Variants in ATXN2 observed in about 807,000 individuals in gnomAD.
ATXN2 encodes the protein ataxin 2.
In ATXN2, 37 loss-of-function variants were observed where a neutral mutation model predicts 138.6. The observed-to-expected ratio is 0.27, with a 90% confidence interval of 0.21 to 0.35. ATXN2 has a LOEUF of 0.35. Ranked by LOEUF, ATXN2 falls within the 10% of genes least tolerant of loss-of-function variation. The probability of loss-of-function intolerance (pLI) is 1.00; values close to 1 mark genes in which losing one functional copy is unlikely to be tolerated. For synonymous variants in ATXN2, 549 were observed against 543.7 expected (o/e 1.01, Z -0.13); for missense variants, 1,216 against 1,480.3 (o/e 0.82, Z 2.93).
intron 5 of ATXN2, among the ~76,000 whole-genome samples, chr12:111,537,715 G>A (rs1881271699): frequency 6.6e-6 from 1 of 152,116 alleles, no homozygotes; most frequent in African/African-American, 2.4e-5. Flanking sequence ...CAAACAGAGA[G>A]GAACTGCTAA....
chr12:111,599,097 A>G lies in ATXN2; in HGVS notation c.-63T>C. ...GGACAGCCGGGAGCCGGGCGCGCCA[A>G]GGAGACGCCGGAACGCGGCGGGGAC... On this transcript the variant is annotated 5_prime_UTR_variant, in exon 1 of 25. Transcript: ENST00000673436. The G allele has an allele frequency of 7.6e-7, 1 of 1,317,330 alleles. No individual in the cohort carries two copies. The highest frequency in any genetic ancestry group is 9.7e-7 in the Non-Finnish European group (1 of 1,033,228). 81.6% of individuals were successfully genotyped at this position (1,317,330 alleles called of 1,614,324 possible). A position where few individuals can be genotyped will look rare whatever the true frequency, so the allele number is the denominator to read the frequency against.
At chr12:111,486,049 C>T (rs1159302731) in intron 16 of ATXN2, among the ~76,000 whole-genome samples, 184 bp from the exon 17 acceptor site, 1 of 152,134 alleles carries the variant, frequency 6.6e-6, no homozygotes, top group African/African-American at 2.4e-5. Context: ...TCAGTAGGAA[C>T]TTAAAACTTT....
chr12:111,554,686 T>C (rs548599725), intron 2 of ATXN2, among the ~76,000 whole-genome samples: 7 of 151,974 alleles, frequency 4.6e-5, no homozygotes, highest in Admixed American at 2.0e-4. Context: ...AAATCAATGG[T>C]TGGAGAGAGA....
rs1885100831 is a variant in ATXN2, at chr12:111,598,976, TGTTGCTGCTGCTGCTGCTGCTGC to T, written c.36_58del (p.Gln13AlafsTer69). ...CTGCTGCTGCTGCTGCTGCTGCTGCTGTTGCTGCTGCTGCTGCTGCTGCTGCTGCTGCTGCTGCTGCTGGGGCT... is the reference window on the plus strand; with the variant it reads ...CTGCTGCTGCTGCTGCTGCTGCTGCTTGCTGCTGCTGCTGCTGCTGGGGCT... On this transcript the variant is annotated frameshift_variant, in exon 1 of 25. Transcript: ENST00000673436. LOFTEE classifies it high-confidence loss of function. This position sits in a 1 kb window ranked among gnomAD's most constrained non-coding sequence, Gnocchi z 4.5. The T allele has an allele frequency of 1.6e-4, 235 of 1,433,368 alleles. No individual in the cohort carries two copies. In the East Asian group the frequency reaches 4.2e-3, roughly 25 times the overall value. 88.8% of individuals were successfully genotyped at this position (1,433,368 alleles called of 1,614,324 possible).
rs1442249588 is a variant in ATXN2, at chr12:111,513,424, T to C, written c.1491A>G (p.Glu497=). The change falls in exon 11 of 25, where the codon GAA becomes GAG. Residue 497 remains glutamate, a synonymous_variant. Transcript: ENST00000673436. ...LEFVSHNPPS[E]AATPPVARTS... is the part of the protein sequence containing the mutation. ...TCCTTGCTACTGGAGGAGTAGCTGC[T>C]TCACTGGGTGGGTTGTGGGATACAA... The C allele has an allele frequency of 6.2e-7, 1 of 1,614,112 alleles. No individual in the cohort carries two copies. Among genetic ancestry groups the C allele is most frequent in the South Asian group, 1.1e-5 (1 of 91,064 alleles).
At chr12:111,509,723 AAAAT>A in intron 13 of ATXN2, 104 bp from the exon 14 acceptor site, 1 of 932,436 alleles carries the variant, frequency 1.1e-6, no homozygotes. Context: ...ATAAGATCAG[AAAAT>A]AATTTCAAAT....
intron 18 of ATXN2, among the ~76,000 whole-genome samples, chr12:111,473,349 A>G (rs1449061284): frequency 3.3e-5 from 5 of 151,994 alleles, no homozygotes; most frequent in Admixed American, 2.6e-4. Context: ...AAACCACCTC[A>G]CTGGTTACCT....
chr12:111,566,617 GTTTTAGAGGAAATTGCTTTTCT>G (rs1377417947), intron 1 of ATXN2, among the ~76,000 whole-genome samples: 1 of 150,646 alleles, frequency 6.6e-6, no homozygotes, highest in Non-Finnish European at 1.5e-5. Flanking sequence ...ATTAACAGGA[GTTTTAGAGGAAATTGCTTTTCT>G]TTTTTTTTTT....
chr12:111,582,660 T>TTTTGTTTG (rs371399749), intron 1 of ATXN2, among the ~76,000 whole-genome samples: 4 of 152,100 alleles, frequency 2.6e-5, no homozygotes, highest in Non-Finnish European at 5.9e-5. Flanking sequence ...ATCTCAGTTT[T>TTTTGTTTG]TTTGTTTGTT....
At chr12:111,452,954 A>AAATTGAATT (rs1874772403) in intron 24 of ATXN2, 114 bp from the exon 25 acceptor site, 1 of 1,215,008 alleles carries the variant, frequency 8.2e-7, no homozygotes, top group Admixed American at 3.4e-5. Context: ...ACAAAACTCA[A>AAATTGAATT]AATTGAATTC....
chr12:111,499,562 G>C (rs1036751787), intron 14 of ATXN2, among the ~76,000 whole-genome samples: 2 of 151,658 alleles, frequency 1.3e-5, no homozygotes, highest in African/African-American at 4.9e-5. Context: ...AAATTAGGCA[G>C]ACATGGTGGC....
intron 14 of ATXN2, among the ~76,000 whole-genome samples, chr12:111,498,259 C>T (rs184269309): frequency 3.9e-4 from 60 of 152,208 alleles, no homozygotes; most frequent in Non-Finnish European, 6.2e-4. Flanking sequence ...AGCATCCACA[C>T]TGGAATGGAA....
chr12:111,592,782 C>CAAAAAAAGAAAAAAAAA, intron 1 of ATXN2, among the ~76,000 whole-genome samples: 1 of 26,018 alleles, frequency 3.8e-5, no homozygotes, highest in Non-Finnish European at 8.3e-5. Context: ...GACTCCGTCT[C>CAAAAAAAGAAAAAAAAA]AAAAAAAAAA....
intron 1 of ATXN2, among the ~76,000 whole-genome samples, chr12:111,578,578 A>G (rs567815611): frequency 2.6e-4 from 40 of 152,308 alleles, no homozygotes; most frequent in Middle Eastern, 3.4e-3. Flanking sequence ...TTGTGTAAGT[A>G]AACTCTATAT....
intron 6 of ATXN2, among the ~76,000 whole-genome samples, chr12:111,523,187 C>T (rs1264051843): frequency 1.3e-5 from 2 of 150,074 alleles, no homozygotes; most frequent in South Asian, 2.1e-4. Flanking sequence ...CGCTTGAACC[C>T]GGGAGGCGGA....
At chr12:111,462,825 C>G (rs1398886105) in intron 21 of ATXN2, among the ~76,000 whole-genome samples, 2 of 152,158 alleles carry the variant, frequency 1.3e-5, no homozygotes, top group Admixed American at 1.3e-4. Flanking sequence ...CACCTACTAT[C>G]TTTTACACAC....
chr12:111,599,444 C>T, upstream of ATXN2: 1 of 1,196,912 alleles, frequency 8.4e-7, no homozygotes, highest in South Asian at 4.0e-5. Flanking sequence ...CCCGGGCCAC[C>T]TGGCTGCGGC....
chr12:111,574,515 A>G (rs1359333299), intron 1 of ATXN2, among the ~76,000 whole-genome samples: 1 of 151,792 alleles, frequency 6.6e-6, no homozygotes, highest in Non-Finnish European at 1.5e-5. Flanking sequence ...GCAACCTCCA[A>G]TTCCTGGGTT....
At chr12:111,550,153 GTAAT>G (rs1207138223) in intron 5 of ATXN2, among the ~76,000 whole-genome samples, 3 of 151,616 alleles carry the variant, frequency 2.0e-5, no homozygotes, top group African/African-American at 7.3e-5. Flanking sequence ...AACTAATTTT[GTAAT>G]ATATAGCAAA....
Sources: allele counts gnomAD v4.1 joint callset (sites outside exome capture counted in the v4.1 genomes callset), GRCh38; gene constraint gnomAD v4.1.1; non-coding constraint Gnocchi (gnomAD v3.1); transcripts MANE v1.5; gene names NCBI Gene and HGNC (gene_info 2026-07-23, HGNC 2026-07-21).